The following GARIN1B variants were observed in gnomAD, a reference collection of about 807,000 sequenced individuals.
GARIN1B encodes Golgi-associated RAB2 interactor protein 1B.
the GARIN1B span, chr7:128,714,226 C>A: frequency 2.4e-6 from 3 of 1,239,288 alleles, no homozygotes; most frequent in South Asian, 3.8e-5. Context: ...TAATGATTGT[C>A]AAACTCTGTC....
chr7:128,713,836 T>G, the GARIN1B span: 1 of 588,208 alleles, frequency 1.7e-6, no homozygotes. Context: ...CCAATGAGCT[T>G]TATTGTTGTG....
the GARIN1B span, chr7:128,726,995 C>A: frequency 1.2e-6 from 1 of 828,752 alleles, no homozygotes; most frequent in East Asian, 2.6e-5. Context: ...TCCTTCCATG[C>A]CTTAGTTTGA....
chr7:128,720,943 A>G, the GARIN1B span, among the ~76,000 whole-genome samples: 73,894 of 151,834 alleles, frequency 0.49, 18,314 homozygotes, highest in East Asian at 0.65. Flanking sequence ...GGCTATTCTA[A>G]ATCTGTTGCA....
At chr7:128,716,261 C>G in the GARIN1B span, among the ~76,000 whole-genome samples, 9 of 152,160 alleles carry the variant, frequency 5.9e-5, no homozygotes, top group Non-Finnish European at 1.2e-4. Context: ...TGCCTGGGCT[C>G]TCCTCTGGTT....
the GARIN1B span, among the ~76,000 whole-genome samples, chr7:128,709,750 C>CTCTGTCTTTT: frequency 8.7e-6 from 1 of 114,620 alleles, no homozygotes; most frequent in African/African-American, 3.5e-5. Flanking sequence ...CTCTCTCTCT[C>CTCTGTCTTTT]TTTTTTTTTT....
chr7:128,724,332 C>T, the GARIN1B span, among the ~76,000 whole-genome samples: 1 of 152,152 alleles, frequency 6.6e-6, no homozygotes, highest in African/African-American at 2.4e-5. Flanking sequence ...AATTTCTAAT[C>T]CAGTTTCTAG....
the GARIN1B span, chr7:128,717,020 G>C: frequency 6.3e-7 from 1 of 1,576,516 alleles, no homozygotes; most frequent in Admixed American, 1.8e-5. Context: ...GATGAGAATG[G>C]AGGACAAGAG....
At chr7:128,723,197 T>C in the GARIN1B span, 32 of 1,609,094 alleles carry the variant, frequency 2.0e-5, 1 homozygote, top group South Asian at 3.5e-4. Context: ...CTTCATATAG[T>C]TAGTACAGAA....
chr7:128,715,314 T>A, the GARIN1B span: 70 of 1,490,352 alleles, frequency 4.7e-5, 2 homozygotes, highest in East Asian at 1.3e-3. Flanking sequence ...TCCTGGTTTT[T>A]CATGATGTCA....
the GARIN1B span, chr7:128,718,927 G>T: frequency 6.2e-7 from 1 of 1,614,162 alleles, no homozygotes; most frequent in Non-Finnish European, 8.5e-7. Context: ...ATTACCTAAA[G>T]CTCCATCCTG....
the GARIN1B span, among the ~76,000 whole-genome samples, chr7:128,710,160 C>T: frequency 6.6e-6 from 1 of 152,140 alleles, no homozygotes; most frequent in Non-Finnish European, 1.5e-5. Flanking sequence ...AGTGATCTGC[C>T]CGCCTCAGCC....
At chr7:128,715,394 CAG>C in the GARIN1B span, 1 of 1,593,546 alleles carries the variant, frequency 6.3e-7, no homozygotes, top group Non-Finnish European at 8.5e-7. Flanking sequence ...GGAGGGGAGA[CAG>C]AGATCCCAGG....
the GARIN1B span, among the ~76,000 whole-genome samples, chr7:128,725,630 C>G: frequency 7.6e-4 from 116 of 152,294 alleles, no homozygotes; most frequent in African/African-American, 2.7e-3. Context: ...CCTCAGCCTC[C>G]CAAAGTGCTG....
At chr7:128,724,155 C>T in the GARIN1B span, among the ~76,000 whole-genome samples, 1 of 151,950 alleles carries the variant, frequency 6.6e-6, no homozygotes, top group South Asian at 2.1e-4. Context: ...GGATTACAGA[C>T]ACACATCACC....
At chr7:128,722,780 G>T in the GARIN1B span, among the ~76,000 whole-genome samples, 1 of 152,004 alleles carries the variant, frequency 6.6e-6, no homozygotes, top group East Asian at 1.9e-4. Flanking sequence ...CTCCAGCCTG[G>T]CTATAAGAGC....
the GARIN1B span, chr7:128,729,956 G>A: frequency 6.2e-7 from 1 of 1,614,052 alleles, no homozygotes; most frequent in African/African-American, 1.3e-5. Context: ...CTACGTTGGA[G>A]GGCTTCATTC....
the GARIN1B span, chr7:128,731,110 T>C: frequency 3.0e-5 from 49 of 1,611,874 alleles, no homozygotes; most frequent in African/African-American, 8.0e-5. Flanking sequence ...GAAATTCTAT[T>C]TGAGCCACCC....
At chr7:128,714,771 C>CA in the GARIN1B span, among the ~76,000 whole-genome samples, 2 of 152,134 alleles carry the variant, frequency 1.3e-5, no homozygotes, top group Non-Finnish European at 2.9e-5. Flanking sequence ...TGGGACCTAG[C>CA]AGAGCTGCTC....
At chr7:128,718,023 T>C in the GARIN1B span, among the ~76,000 whole-genome samples, 1 of 152,158 alleles carries the variant, frequency 6.6e-6, no homozygotes, top group African/African-American at 2.4e-5. Flanking sequence ...AGCTGACTAA[T>C]ATTAGATCCA....
Sources: gnomAD v4.1 joint callset for allele counts (sites outside exome capture counted in the v4.1 genomes callset) on GRCh38, gnomAD v4.1.1 for gene constraint, MANE v1.5 for transcripts, NCBI Gene and HGNC (gene_info 2026-07-23, HGNC 2026-07-21) for gene names.